RBFOX1: variants seen among roughly 807,000 people sequenced by gnomAD.
RBFOX1 encodes the protein RNA binding protein fox-1 homolog 1.
RBFOX1 carries 8 observed loss-of-function variants against 57.7 expected under a neutral mutation model. That is an observed-to-expected ratio of 0.14 (90% confidence interval 0.08 to 0.25). RBFOX1 has a LOEUF of 0.25. Ranked by LOEUF, RBFOX1 falls within the 10% of genes least tolerant of loss-of-function variation. The probability of loss-of-function intolerance (pLI) is 1.00; values close to 1 mark genes in which losing one functional copy is unlikely to be tolerated. For missense variants in RBFOX1, 611 were observed against 548.5 expected, an observed-to-expected ratio of 1.11 and a Z score of -1.14; for synonymous variants, 326 against 222.4, an observed-to-expected ratio of 1.47 and a Z score of -4.15.
intron 1 of RBFOX1, among the ~76,000 whole-genome samples, chr16:5,422,552 G>C (rs1269980882): frequency 1.4e-5 from 1 of 71,322 alleles, no homozygotes; most frequent in Non-Finnish European, 2.8e-5. Context: ...GGGCAGGGAG[G>C]GGGAAGAAAG....
intron 4 of RBFOX1, among the ~76,000 whole-genome samples, chr16:7,235,651 A>G (rs998609779): frequency 1.3e-5 from 2 of 152,202 alleles, no homozygotes; most frequent in Non-Finnish European, 2.9e-5. Flanking sequence ...GATGAATATG[A>G]TGCCTCCCTC....
intron 4 of RBFOX1, among the ~76,000 whole-genome samples, chr16:7,483,191 C>G (rs570457485): frequency 3.1e-4 from 47 of 152,320 alleles, no homozygotes; most frequent in African/African-American, 1.1e-3. Flanking sequence ...TAACCACCTA[C>G]TATGTGACTG....
At chr16:7,705,444 G>A (rs1400956999) in intron 14 of RBFOX1, among the ~76,000 whole-genome samples, 2 of 151,716 alleles carry the variant, frequency 1.3e-5, no homozygotes, top group Non-Finnish European at 2.9e-5. Context: ...GACGGAGCTT[G>A]CAGTGAGCCA....
At chr16:5,572,446 G>A (rs917633209) in intron 2 of RBFOX1, among the ~76,000 whole-genome samples, 1 of 152,164 alleles carries the variant, frequency 6.6e-6, no homozygotes, top group African/African-American at 2.4e-5. Flanking sequence ...TCACTTTGTT[G>A]TGGGAGGCTC....
At chr16:6,869,547 A>T (rs2153249055) in intron 3 of RBFOX1, among the ~76,000 whole-genome samples, 1 of 152,116 alleles carries the variant, frequency 6.6e-6, no homozygotes, top group South Asian at 2.1e-4. Context: ...TTTTGTTCAT[A>T]AAAGGAGATT....
intron 1 of RBFOX1, among the ~76,000 whole-genome samples, chr16:6,068,407 A>C (rs2095794589): frequency 6.6e-6 from 1 of 152,236 alleles, no homozygotes; most frequent in Non-Finnish European, 1.5e-5. Context: ...GCTGGAGTGT[A>C]TCAAAAGCCT....
At chr16:6,707,616 C>T (rs1438697525) in intron 3 of RBFOX1, among the ~76,000 whole-genome samples, 1 of 151,600 alleles carries the variant, frequency 6.6e-6, no homozygotes, top group South Asian at 2.1e-4. Flanking sequence ...ATTGAAGATG[C>T]TGGATCTCCT....
chr16:7,271,675 G>C (rs979973418), intron 4 of RBFOX1, among the ~76,000 whole-genome samples: 1 of 152,182 alleles, frequency 6.6e-6, no homozygotes, highest in Admixed American at 6.5e-5. Context: ...TCAAATGCCA[G>C]ATGTCGGGAA....
intron 3 of RBFOX1, among the ~76,000 whole-genome samples, chr16:6,776,497 A>G (rs969147123): frequency 3.9e-5 from 6 of 152,210 alleles, no homozygotes; most frequent in Non-Finnish European, 8.8e-5. Flanking sequence ...AAGTGCATAC[A>G]ATTAAAACAC....
chr16:5,549,270 C>T (rs1056835487), intron 2 of RBFOX1, among the ~76,000 whole-genome samples: 27 of 152,186 alleles, frequency 1.8e-4, no homozygotes, highest in Non-Finnish European at 7.3e-5. Flanking sequence ...TCTGCAGATA[C>T]TTCTGTCTGT....
intron 3 of RBFOX1, among the ~76,000 whole-genome samples, chr16:6,696,397 C>G (rs1486246878): frequency 6.6e-6 from 1 of 152,138 alleles, no homozygotes; most frequent in Non-Finnish European, 1.5e-5. Flanking sequence ...ATTGAAACCT[C>G]AATTCATTTT....
intron 3 of RBFOX1, among the ~76,000 whole-genome samples, chr16:7,031,890 C>G (rs1324640179): frequency 2.0e-5 from 3 of 152,160 alleles, no homozygotes; most frequent in Non-Finnish European, 4.4e-5. Flanking sequence ...TCTAACTGAT[C>G]TCTCCCTGAT....
At chr16:6,615,615 A>G (rs2098130863) in intron 2 of RBFOX1, among the ~76,000 whole-genome samples, 1 of 152,182 alleles carries the variant, frequency 6.6e-6, no homozygotes. Flanking sequence ...GCCACAGGAA[A>G]ATTCCTCATT....
intron 3 of RBFOX1, among the ~76,000 whole-genome samples, chr16:5,759,644 G>A (rs542097679): frequency 8.5e-5 from 13 of 152,164 alleles, no homozygotes; most frequent in African/African-American, 3.1e-4. Context: ...TAGAAGCAAA[G>A]CTCTCATGCT....
At chr16:5,797,393 T>G (rs752567709) in intron 3 of RBFOX1, among the ~76,000 whole-genome samples, 77 of 152,326 alleles carry the variant, frequency 5.1e-4, no homozygotes, top group Non-Finnish European at 1.0e-3. Flanking sequence ...ATTGGGTGCT[T>G]CTGAGAAGTC....
chr16:6,432,749 G>T (rs1246965657), intron 2 of RBFOX1, among the ~76,000 whole-genome samples: 1 of 152,080 alleles, frequency 6.6e-6, no homozygotes, highest in Non-Finnish European at 1.5e-5. Context: ...GAAGGCAAAG[G>T]TGGGCAGGTC....
intron 3 of RBFOX1, among the ~76,000 whole-genome samples, chr16:5,716,499 C>G (rs912357479): frequency 6.6e-6 from 1 of 152,194 alleles, no homozygotes; most frequent in South Asian, 2.1e-4. Flanking sequence ...ATCAAAACTG[C>G]AATTAGATAC....
intron 1 of RBFOX1, among the ~76,000 whole-genome samples, chr16:6,241,794 C>G (rs2097541416): frequency 6.6e-6 from 1 of 152,198 alleles, no homozygotes; most frequent in South Asian, 2.1e-4. Flanking sequence ...TAGTTTTTCA[C>G]AAACTCTCTT....
intron 4 of RBFOX1, among the ~76,000 whole-genome samples, chr16:5,983,520 C>T (rs1255129007): frequency 2.0e-5 from 3 of 152,134 alleles, no homozygotes; most frequent in African/African-American, 2.4e-5. Flanking sequence ...GGGGAAAAAC[C>T]GCACAGCCCA....
Sources: gnomAD v4.1 joint callset for allele counts (sites outside exome capture counted in the v4.1 genomes callset) on GRCh38, gnomAD v4.1.1 for gene constraint, MANE v1.5 for transcripts, NCBI Gene and HGNC (gene_info 2026-07-23, HGNC 2026-07-21) for gene names.